ZNF385D: variants seen among roughly 807,000 people sequenced by gnomAD.
ZNF385D encodes the protein zinc finger protein 385D, also known as zinc finger protein 659.
In ZNF385D, 15 loss-of-function variants were observed where a neutral mutation model predicts 35.8. The observed-to-expected ratio is 0.42, with a 90% confidence interval of 0.28 to 0.64. The LOEUF is 0.64. ZNF385D is among the 30% of genes least tolerant of loss of function. The pLI, the probability that ZNF385D is intolerant of heterozygous loss-of-function variation, is 0.23. For missense variants in ZNF385D, 474 were observed against 494.6 expected (o/e 0.96, Z 0.39); for synonymous variants, 212 against 186.8 (o/e 1.13, Z -1.10).
intron 2 of ZNF385D, among the ~76,000 whole-genome samples, chr3:21,652,824 T>G (rs187128712): frequency 6.6e-6 from 1 of 152,182 alleles, no homozygotes; most frequent in African/African-American, 2.4e-5. Flanking sequence ...TTTGAAAAGC[T>G]TTCTAAAATA....
intron 3 of ZNF385D, among the ~76,000 whole-genome samples, chr3:21,837,531 T>G (rs1198854379): frequency 6.6e-6 from 1 of 152,004 alleles, no homozygotes; most frequent in African/African-American, 2.4e-5. Flanking sequence ...GATGACATGT[T>G]TTCTGCAACT....
At chr3:21,543,346 T>C (rs1208354456) in intron 3 of ZNF385D, among the ~76,000 whole-genome samples, 1 of 152,176 alleles carries the variant, frequency 6.6e-6, no homozygotes, top group African/African-American at 2.4e-5. Context: ...CTAAGACTTT[T>C]CATCCTGCAA....
At chr3:21,839,428 GCTT>G (rs1695525449) in intron 3 of ZNF385D, among the ~76,000 whole-genome samples, 1 of 152,034 alleles carries the variant, frequency 6.6e-6, no homozygotes, top group East Asian at 1.9e-4. Context: ...TTGGCGCCTA[GCTT>G]CTTCTCTAAA....
At chr3:22,153,205 G>A (rs866511228) in intron 3 of ZNF385D, among the ~76,000 whole-genome samples, 1 of 152,196 alleles carries the variant, frequency 6.6e-6, no homozygotes, top group East Asian at 1.9e-4. Context: ...AACAGAGAAT[G>A]AGCAACCTCC....
At chr3:21,651,279 C>A (rs1173270261) in intron 2 of ZNF385D, among the ~76,000 whole-genome samples, 1 of 90,242 alleles carries the variant, frequency 1.1e-5, no homozygotes, top group Admixed American at 2.0e-4. Context: ...CAGAGCGAGA[C>A]TTCATCTCAA....
chr3:21,478,538 C>T (rs919572632), intron 4 of ZNF385D, among the ~76,000 whole-genome samples: 2 of 152,114 alleles, frequency 1.3e-5, no homozygotes, highest in African/African-American at 4.8e-5. Flanking sequence ...CAGTGAAGAA[C>T]AAACCTTTGT....
chr3:22,266,714 T>G (rs1163179401), intron 2 of ZNF385D, among the ~76,000 whole-genome samples: 1 of 151,954 alleles, frequency 6.6e-6, no homozygotes, highest in Non-Finnish European at 1.5e-5. Flanking sequence ...ATATTTATAT[T>G]TCATGTCCCA....
chr3:21,656,821 C>A (rs2066085099), intron 2 of ZNF385D, among the ~76,000 whole-genome samples: 2 of 151,870 alleles, frequency 1.3e-5, no homozygotes, highest in African/African-American at 4.8e-5. Flanking sequence ...AAAATTAACT[C>A]TAAAATATTC....
At chr3:22,125,691 A>G in intron 3 of ZNF385D, among the ~76,000 whole-genome samples, 1 of 152,230 alleles carries the variant, frequency 6.6e-6, no homozygotes, top group South Asian at 2.1e-4. Flanking sequence ...GCCATTATAA[A>G]TGAAATTATA....
chr3:21,719,778 A>T (rs550123691), intron 1 of ZNF385D, among the ~76,000 whole-genome samples: 3 of 152,180 alleles, frequency 2.0e-5, no homozygotes, highest in African/African-American at 7.2e-5. Context: ...CTAACTTACA[A>T]AATATTCTTT....
chr3:22,025,293 AG>A (rs1413247868), intron 3 of ZNF385D, among the ~76,000 whole-genome samples: 1 of 152,160 alleles, frequency 6.6e-6, no homozygotes, highest in Non-Finnish European at 1.5e-5. Flanking sequence ...TTGCCAGGAA[AG>A]ATAATGTTGA....
At chr3:22,144,521 C>A (rs1374755218) in intron 3 of ZNF385D, among the ~76,000 whole-genome samples, 1 of 131,832 alleles carries the variant, frequency 7.6e-6, no homozygotes, top group East Asian at 2.2e-4. Flanking sequence ...AGCAATGAGC[C>A]AAGATCATGC....
At chr3:21,986,186 T>G in intron 3 of ZNF385D, among the ~76,000 whole-genome samples, 1 of 52,154 alleles carries the variant, frequency 1.9e-5, no homozygotes, top group Non-Finnish European at 3.1e-5. Context: ...GCTCTGATTT[T>G]AGTTATTTCT....
chr3:21,473,611 C>T (rs1001568961), intron 4 of ZNF385D, among the ~76,000 whole-genome samples: 7 of 152,000 alleles, frequency 4.6e-5, no homozygotes, highest in Admixed American at 2.6e-4. Flanking sequence ...TCAGTTTTAA[C>T]CTGTCTACTA....
At chr3:21,639,024 A>C (rs9866105) in intron 2 of ZNF385D, among the ~76,000 whole-genome samples, 1 of 152,238 alleles carries the variant, frequency 6.6e-6, no homozygotes, top group Non-Finnish European at 1.5e-5. Flanking sequence ...ATATTTTAAC[A>C]TCAAAAAGAG....
chr3:22,064,822 T>C (rs1699849078), intron 3 of ZNF385D, among the ~76,000 whole-genome samples: 2 of 152,190 alleles, frequency 1.3e-5, no homozygotes, highest in Non-Finnish European at 2.9e-5. Context: ...TCAAAGGGTA[T>C]AAAGTTCAGT....
intron 4 of ZNF385D, among the ~76,000 whole-genome samples, chr3:21,502,730 C>T (rs537198712): frequency 6.6e-6 from 1 of 152,252 alleles, no homozygotes; most frequent in South Asian, 2.1e-4. Context: ...TTTTCAATCT[C>T]TAAAGATCTG....
intron 2 of ZNF385D, among the ~76,000 whole-genome samples, chr3:22,260,474 C>T (rs1022595271): frequency 2.0e-5 from 3 of 151,768 alleles, no homozygotes; most frequent in Admixed American, 1.3e-4. Context: ...TGTAACAAAT[C>T]TGCACATTCT....
intron 3 of ZNF385D, among the ~76,000 whole-genome samples, chr3:21,951,782 T>C (rs1360055761): frequency 6.6e-6 from 1 of 151,630 alleles, no homozygotes. Context: ...ACAATGCATT[T>C]TCTAAATTAT....
Sources: gnomAD v4.1 joint callset for allele counts (sites outside exome capture counted in the v4.1 genomes callset) on GRCh38, gnomAD v4.1.1 for gene constraint, MANE v1.5 for transcripts, NCBI Gene and HGNC (gene_info 2026-07-23, HGNC 2026-07-21) for gene names.